The following NPHP1 variants were observed in gnomAD, a reference collection of about 807,000 sequenced individuals.
NPHP1 encodes nephrocystin-1.
Under a neutral mutation model 90.4 loss-of-function variants are expected in NPHP1, and 70 were observed. The observed-to-expected ratio is 0.77, with a 90% CI of 0.64 to 0.95. NPHP1 has a LOEUF of 0.95. NPHP1 is among the 40% of genes least tolerant of loss of function. The pLI is 0.00. For missense variants in NPHP1, 764 were observed against 795.9 expected, an observed-to-expected ratio of 0.96 and a Z score of 0.48; for synonymous variants, 256 against 271.7, an observed-to-expected ratio of 0.94 and a Z score of 0.57.
At position 110,127,260 on chromosome 2, in the gene NPHP1, T is replaced by C. The variant is rs534307566; in HGVS notation, c.1717-1579A>G. Reference sequence around the variant, plus strand: ...CCACCAGCCTGTACCCTTGGGTGACTGTGGAGCAGCATCTTCCACTGATCC... The same window carrying C: ...CCACCAGCCTGTACCCTTGGGTGACCGTGGAGCAGCATCTTCCACTGATCC... On this transcript the variant is annotated intron_variant, in intron 18 of 19. Coordinates refer to ENST00000445609, the MANE Select transcript of NPHP1 (RefSeq NM_001128178.3). 3 of 152,306 alleles carry C rather than the reference T, an allele frequency of 2.0e-5. No homozygotes were observed. In the East Asian group the frequency reaches 5.8e-4, roughly 29 times the overall value. The allele number at this position is 152,306 out of a possible 1,614,324, so 9.4% of individuals were successfully genotyped here.
chr2:110,188,748 T>G (rs1440834209), intron 2 of NPHP1, among the ~76,000 whole-genome samples: 2 of 151,982 alleles, frequency 1.3e-5, no homozygotes, highest in Non-Finnish European at 2.9e-5. Flanking sequence ...TCAAACTATA[T>G]TACAAGGCTA....
At chr2:110,168,756 T>C (rs1434512836) in intron 5 of NPHP1, among the ~76,000 whole-genome samples, 2 of 152,124 alleles carry the variant, frequency 1.3e-5, no homozygotes, top group Non-Finnish European at 2.9e-5. Context: ...AAATGTGACA[T>C]AGTTTAATGA....
At chr2:110,163,298 A>G (rs1233764781) in intron 8 of NPHP1, 163 bp from the exon 9 acceptor site, 9 of 637,582 alleles carry the variant, frequency 1.4e-5, no homozygotes, top group Non-Finnish European at 2.6e-5. Context: ...AGAGGATGCC[A>G]TCACAGCACC....
chr2:110,124,132 A>G, intron 19 of NPHP1, 69 bp from the exon 20 acceptor site: 3 of 1,572,386 alleles, frequency 1.9e-6, no homozygotes, highest in South Asian at 2.2e-5. Context: ...AACTCTATTA[A>G]CTAAAAGCCA....
At position 110,165,133 on chromosome 2, in the gene NPHP1, C is replaced by CCAT; in HGVS notation, c.646_647insATG (p.Glu215_Gly216insAsp). On this transcript the variant is annotated inframe_insertion, in exon 7 of 20. Transcript: ENST00000445609. ...ACTGCCCTCTTCACTTGACTCTTGGCCTTCTTCTTCTTCACTATAAGGCTA... is the reference window on the plus strand; with the variant it reads ...ACTGCCCTCTTCACTTGACTCTTGGCCATCTTCTTCTTCTTCACTATAAGGCTA... 1 of 1,609,086 alleles carries CCAT rather than the reference C, an allele frequency of 6.2e-7. No individual in the cohort carries two copies.
Position 110,179,653 on chromosome 2 carries a change from T to C in NPHP1, c.175A>G (p.Asn59Asp). Residue 59 changes from asparagine to aspartate, a missense_variant, in exon 3 of 20, where the codon AAT (asparagine) becomes GAT (aspartate). Asn to Asp is a conservative substitution (Grantham distance 23). Transcript: ENST00000445609. Reference protein sequence around the residue: ...CIQLKQAIDENKNALQKLSKA... With the variant: ...CIQLKQAIDEDKNALQKLSKA... ...CTTAATTTTTGAAGAGCATTTTTAT[T>C]TTCATCTATTGCCTGCTTTAACTGG... The C allele has an allele frequency of 2.2e-6, 3 of 1,385,442 alleles. No homozygotes were observed. Among genetic ancestry groups the C allele is most frequent in the Non-Finnish European group, 3.1e-6 (3 of 977,204 alleles). 85.8% of individuals were successfully genotyped at this position (1,385,442 alleles called of 1,614,324 possible).
At chr2:110,127,553 T>C (rs1298262727) in intron 18 of NPHP1, 3 of 152,174 alleles carry the variant, frequency 2.0e-5, no homozygotes, top group Admixed American at 6.5e-5. Flanking sequence ...CAGGCAGGTA[T>C]ATAAATGTAT....
At chr2:110,148,460 T>G (rs561397026) in intron 12 of NPHP1, among the ~76,000 whole-genome samples, 1 of 152,254 alleles carries the variant, frequency 6.6e-6, no homozygotes, top group South Asian at 2.1e-4. Flanking sequence ...CATTTCTTTA[T>G]AGCAATGCAA....
At chr2:110,144,108 G>A in intron 15 of NPHP1, 1 of 318,560 alleles carries the variant, frequency 3.1e-6, no homozygotes, top group Non-Finnish European at 5.9e-6. Flanking sequence ...CACAGTGCCT[G>A]GTTAATGAAC....
rs150749508 is a variant in NPHP1, at chr2:110,175,629, G to A, written c.329+2794C>T. On this transcript the variant is annotated intron_variant, in intron 4 of 19. Transcript: ENST00000445609. ...CCTTTTTTCCCTTGGCAGCTTTTAA[G>A]ATCTCCTATTTATCTTTGGTTTTCG... Among the ~76,000 whole-genome samples, 818 of 152,038 alleles carry A rather than the reference G, an allele frequency of 5.4e-3. 13 individuals are homozygous for A. Among genetic ancestry groups the A allele is most frequent in the African/African-American group, 0.017 (700 of 41,514 alleles).
intron 4 of NPHP1, among the ~76,000 whole-genome samples, chr2:110,174,828 T>G (rs1384945747): frequency 6.6e-6 from 1 of 151,972 alleles, no homozygotes; most frequent in Non-Finnish European, 1.5e-5. Context: ...TTTTTTTTTT[T>G]TTTGGTGATT....
At chr2:110,184,843 C>A (rs1300959318) in intron 2 of NPHP1, 5 of 704,270 alleles carry the variant, frequency 7.1e-6, no homozygotes, top group Non-Finnish European at 1.3e-5. Context: ...CTTCCCAATT[C>A]CGGGCCCCTG....
At chr2:110,131,965 T>C (rs867930132) in intron 16 of NPHP1, among the ~76,000 whole-genome samples, 174 bp from the exon 17 acceptor site, 4 of 152,226 alleles carry the variant, frequency 2.6e-5, no homozygotes, top group Non-Finnish European at 4.4e-5. Flanking sequence ...AAATTTCAGA[T>C]AACTTTTTAT....
At chr2:110,133,944 A>C (rs189432682) in intron 16 of NPHP1, among the ~76,000 whole-genome samples, 2 of 152,182 alleles carry the variant, frequency 1.3e-5, no homozygotes, top group East Asian at 3.9e-4. Context: ...GCTCAAGTCA[A>C]CAACCTAACT....
At chr2:110,193,921 G>A (rs950318163) in intron 2 of NPHP1, among the ~76,000 whole-genome samples, 5 of 152,052 alleles carry the variant, frequency 3.3e-5, no homozygotes, top group African/African-American at 7.2e-5. Context: ...GATACATAAC[G>A]AAATGAAGGC....
At chr2:110,153,016 G>A (rs150475906) in intron 11 of NPHP1, among the ~76,000 whole-genome samples, 43 of 152,156 alleles carry the variant, frequency 2.8e-4, no homozygotes, top group African/African-American at 1.0e-3. Flanking sequence ...CAGATACACC[G>A]TAAACTTCTG....
At chr2:110,130,535 G>A (rs969878228) in intron 17 of NPHP1, among the ~76,000 whole-genome samples, 13 of 152,216 alleles carry the variant, frequency 8.5e-5, no homozygotes, top group Middle Eastern at 3.4e-3. Flanking sequence ...AACTTTCTGC[G>A]CTTCTCTGCC....
intron 2 of NPHP1, among the ~76,000 whole-genome samples, chr2:110,198,386 T>C (rs569250135): frequency 3.3e-5 from 5 of 152,322 alleles, no homozygotes; most frequent in East Asian, 3.9e-4. Flanking sequence ...TTAAATCATA[T>C]GCATACATCT....
intron 2 of NPHP1, among the ~76,000 whole-genome samples, chr2:110,187,991 A>C (rs1256537268): frequency 6.6e-6 from 1 of 152,200 alleles, no homozygotes; most frequent in African/African-American, 2.4e-5. Context: ...AATTTCAATA[A>C]ACTAGATATT....
Sources: gnomAD v4.1 joint callset for allele counts (sites outside exome capture counted in the v4.1 genomes callset) on GRCh38, gnomAD v4.1.1 for gene constraint, MANE v1.5 for transcripts, NCBI Gene and HGNC (gene_info 2026-07-23, HGNC 2026-07-21) for gene names.